KCNIP4: variants seen among roughly 807,000 people sequenced by gnomAD.
The protein encoded by KCNIP4 is Kv channel-interacting protein 4.
In KCNIP4, 12 loss-of-function variants were observed where a neutral mutation model predicts 34.0. The ratio of observed to expected loss-of-function variants is 0.35; its 90% CI spans 0.23 to 0.57. The LOEUF is 0.57. Ranked by LOEUF, KCNIP4 falls within the 20% of genes least tolerant of loss-of-function variation. KCNIP4 has a pLI of 0.83. For missense variants in KCNIP4, 238 were observed against 311.7 expected, an observed-to-expected ratio of 0.76 and a Z score of 1.78; for synonymous variants, 124 against 102.2, an observed-to-expected ratio of 1.21 and a Z score of -1.29.
At chr4:21,440,614 G>C (rs527602940) in intron 1 of KCNIP4, among the ~76,000 whole-genome samples, 5 of 152,282 alleles carry the variant, frequency 3.3e-5, no homozygotes, top group African/African-American at 9.6e-5. Context: ...GGATGGAACT[G>C]TTCATTTTCA....
At chr4:21,465,348 A>T (rs1368340687) in intron 1 of KCNIP4, among the ~76,000 whole-genome samples, 1 of 152,106 alleles carries the variant, frequency 6.6e-6, no homozygotes, top group African/African-American at 2.4e-5. Flanking sequence ...TTTCCAGATC[A>T]ATGCTGGATT....
chr4:21,606,569 C>T (rs921968364), intron 1 of KCNIP4, among the ~76,000 whole-genome samples: 2 of 151,852 alleles, frequency 1.3e-5, no homozygotes, highest in African/African-American at 2.4e-5. Context: ...AGTTTCTGTG[C>T]TGTTTTGTTT....
chr4:21,626,581 T>C lies in KCNIP4; in HGVS notation c.61+321990A>G, dbSNP rs374323970. ...AAGCTACTCAGGCCATGGTGTTTTG[T>C]TATGGCAGCCCAAGCAGACTAAGAT... is the stretch of plus-strand genomic sequence containing the variant. On this transcript the variant is annotated intron_variant, in intron 1 of 8. Transcript: ENST00000382152. Among the ~76,000 whole-genome samples, 260 of 152,088 alleles carry C rather than the reference T, an allele frequency of 1.7e-3. 10 individuals carry two copies. In the South Asian group the frequency reaches 0.047, roughly 28 times the overall value.
chr4:21,914,685 A>C (rs935790552), intron 1 of KCNIP4, among the ~76,000 whole-genome samples: 1 of 152,082 alleles, frequency 6.6e-6, no homozygotes, highest in Non-Finnish European at 1.5e-5. Flanking sequence ...AAATCATCTT[A>C]CTTTTAAATC....
intron 1 of KCNIP4, among the ~76,000 whole-genome samples, chr4:21,798,406 T>TAC (rs374847829): frequency 0.23 from 10,614 of 46,876 alleles, 504 homozygotes; most frequent in East Asian, 0.35. Flanking sequence ...AAAAAATACA[T>TAC]ATATATATAT....
At chr4:21,137,913 C>A (rs1472717989) in intron 1 of KCNIP4, among the ~76,000 whole-genome samples, 1 of 124,510 alleles carries the variant, frequency 8.0e-6, no homozygotes, top group Non-Finnish European at 1.6e-5. Context: ...GCTCTATTAC[C>A]CAGGCTAGAC....
At chr4:21,541,163 T>C (rs1322785391) in intron 1 of KCNIP4, among the ~76,000 whole-genome samples, 20 of 113,826 alleles carry the variant, frequency 1.8e-4, no homozygotes, top group African/African-American at 7.1e-4. Flanking sequence ...AGAGTGAGAC[T>C]CCATCACAAA....
At chr4:20,975,147 T>C (rs1735355335) in intron 1 of KCNIP4, among the ~76,000 whole-genome samples, 1 of 152,244 alleles carries the variant, frequency 6.6e-6, no homozygotes, top group South Asian at 2.1e-4. Flanking sequence ...TCTAGGTCTG[T>C]CTCACTTCAA....
intron 1 of KCNIP4, among the ~76,000 whole-genome samples, chr4:21,187,234 A>G (rs1219111664): frequency 6.6e-6 from 1 of 152,240 alleles, no homozygotes; most frequent in Non-Finnish European, 1.5e-5. Flanking sequence ...TGGCACTTAA[A>G]AAAACCTGCT....
intron 1 of KCNIP4, among the ~76,000 whole-genome samples, chr4:21,499,192 G>A (rs575195213): frequency 1.9e-4 from 29 of 151,920 alleles, no homozygotes; most frequent in Non-Finnish European, 4.0e-4. Flanking sequence ...TTAGTCAGGC[G>A]TGGTGGCATG....
intron 1 of KCNIP4, among the ~76,000 whole-genome samples, chr4:21,761,457 A>C (rs1356600756): frequency 6.6e-6 from 1 of 152,176 alleles, no homozygotes; most frequent in Non-Finnish European, 1.5e-5. Flanking sequence ...GGCCAGTAGC[A>C]GAGAAAAATA....
At position 21,863,103 on chromosome 4, in the gene KCNIP4, T is replaced by G. The variant is rs1725191280; in HGVS notation, c.61+85468A>C. 1.3e-5 allele frequency among the ~76,000 whole-genome samples: 2 copies of G among 152,322 alleles called. 1 individual carries two copies. Among genetic ancestry groups the G allele is most frequent in the African/African-American group, 4.8e-5 (2 of 41,578 alleles). ...GGGCAAAAAAATTAAGTGTTCATAC[T>G]ACTATTTTTGCTGATGTGGCAAAAA... On this transcript the variant is annotated intron_variant, in intron 1 of 8. Transcript: ENST00000382152.
intron 1 of KCNIP4, among the ~76,000 whole-genome samples, chr4:21,360,307 TA>T (rs1175670419): frequency 1.3e-5 from 2 of 152,076 alleles, no homozygotes; most frequent in East Asian, 3.9e-4. Context: ...ATTAGAAAAT[TA>T]AAATCATTTA....
intron 1 of KCNIP4, among the ~76,000 whole-genome samples, chr4:21,297,667 T>C (rs1763919880): frequency 6.6e-6 from 1 of 152,146 alleles, no homozygotes; most frequent in Non-Finnish European, 1.5e-5. Context: ...CTGCAGGATG[T>C]TTTGTTCTAT....
intron 1 of KCNIP4, among the ~76,000 whole-genome samples, chr4:20,969,709 A>G (rs1349778683): frequency 2.0e-5 from 3 of 152,166 alleles, no homozygotes; most frequent in Non-Finnish European, 4.4e-5. Flanking sequence ...CAAATACTAA[A>G]AAAAGAAATT....
intron 1 of KCNIP4, among the ~76,000 whole-genome samples, chr4:21,247,202 C>A (rs1404536776): frequency 6.6e-6 from 1 of 152,072 alleles, no homozygotes; most frequent in Non-Finnish European, 1.5e-5. Context: ...TGAAGATGAG[C>A]AACTTGTTTA....
intron 1 of KCNIP4, among the ~76,000 whole-genome samples, chr4:21,785,612 A>T (rs1452484732): frequency 1.3e-5 from 2 of 151,244 alleles, no homozygotes. Flanking sequence ...TAAATAAATA[A>T]ATAAAATAAA....
chr4:21,209,398 C>A (rs1231467608), intron 1 of KCNIP4, among the ~76,000 whole-genome samples: 1 of 152,010 alleles, frequency 6.6e-6, no homozygotes, highest in African/African-American at 2.4e-5. Context: ...TTCCCCCTAC[C>A]CCTCTTTCCC....
chr4:21,872,484 C>G (rs985363354), intron 1 of KCNIP4, among the ~76,000 whole-genome samples: 3 of 151,860 alleles, frequency 2.0e-5, no homozygotes, highest in African/African-American at 7.2e-5. Context: ...TGAATAGACT[C>G]TTGTTTCATT....
Sources: gnomAD v4.1 joint callset for allele counts (sites outside exome capture counted in the v4.1 genomes callset) on GRCh38, gnomAD v4.1.1 for gene constraint, MANE v1.5 for transcripts, NCBI Gene and HGNC (gene_info 2026-07-23, HGNC 2026-07-21) for gene names.